The following ETNK1 variants were observed in gnomAD, a reference collection of about 807,000 sequenced individuals.
ETNK1 encodes ethanolamine kinase 1.
A neutral mutation model predicts 45.1 loss-of-function variants in ETNK1; 8 were observed. That is an observed-to-expected ratio of 0.18 (90% CI 0.10 to 0.32). The LOEUF is 0.32. Among genes scored for constraint, ETNK1 ranks in the 10% least tolerant of loss-of-function variants. ETNK1 has a pLI of 1.00. For missense variants in ETNK1, 302 were observed against 430.6 expected, an observed-to-expected ratio of 0.70 and a Z score of 2.64; for synonymous variants, 152 against 151.9, an observed-to-expected ratio of 1.00 and a Z score of -0.01.
chr12:22,627,484 G>T (rs185962287), intron 1 of ETNK1, among the ~76,000 whole-genome samples: 2 of 152,190 alleles, frequency 1.3e-5, no homozygotes, highest in African/African-American at 2.4e-5. Flanking sequence ...TGTCCTAAAA[G>T]CATCTGCTAA....
At chr12:22,656,336 A>G (rs924699106) in intron 2 of ETNK1, 1 of 869,898 alleles carries the variant, frequency 1.1e-6, no homozygotes, top group Admixed American at 6.2e-5. Flanking sequence ...AAACAACTTG[A>G]GGCAGCAAAA....
intron 6 of ETNK1, among the ~76,000 whole-genome samples, chr12:22,674,990 A>G (rs1343740627): frequency 6.6e-6 from 1 of 152,270 alleles, no homozygotes; most frequent in African/African-American, 2.4e-5. Context: ...TTAGAAGGCC[A>G]AATAAGATGT....
intron 4 of ETNK1, among the ~76,000 whole-genome samples, chr12:22,667,384 G>A (rs147065692): frequency 3.7e-4 from 57 of 152,098 alleles, no homozygotes; most frequent in African/African-American, 1.3e-3. Flanking sequence ...TGTGTCCTAG[G>A]GATTGCTCTG....
chr12:22,625,965 T>C (rs1953489012), intron 1 of ETNK1: 1 of 487,646 alleles, frequency 2.1e-6, no homozygotes, highest in Non-Finnish European at 4.0e-6. Flanking sequence ...CTCCCACCAG[T>C]AATGCAGTCA....
chr12:22,672,690 G>C (rs1443652666), intron 5 of ETNK1, among the ~76,000 whole-genome samples: 1 of 152,168 alleles, frequency 6.6e-6, no homozygotes, highest in African/African-American at 2.4e-5. Flanking sequence ...GCAAACTAAA[G>C]AGAAGGAAAG....
intron 6 of ETNK1, among the ~76,000 whole-genome samples, chr12:22,675,821 A>G (rs922596904): frequency 6.6e-6 from 1 of 152,182 alleles, no homozygotes; most frequent in African/African-American, 2.4e-5. Context: ...ATAAAGGACA[A>G]TTGATAGACA....
chr12:22,665,297 T>C (rs1954043555), intron 4 of ETNK1, among the ~76,000 whole-genome samples: 1 of 152,166 alleles, frequency 6.6e-6, no homozygotes, highest in Non-Finnish European at 1.5e-5. Flanking sequence ...CCATGACCAA[T>C]TACAAAATAA....
In ETNK1 at chr12:22,688,440, A is replaced by G. The variant is rs578109238; in HGVS notation, c.*3486A>G. 15 of 151,932 alleles carry G rather than the reference A, an allele frequency of 9.9e-5. No individual in the cohort carries two copies. In the South Asian group the frequency reaches 3.1e-3, roughly 32 times the overall value. 9.4% of individuals were successfully genotyped at this position (151,932 alleles called of 1,614,324 possible). On this transcript the variant is annotated 3_prime_UTR_variant, in exon 8 of 8. Coordinates refer to ENST00000266517, the MANE Select transcript of ETNK1 (RefSeq NM_018638.5). ...CCCCCACTCTCAATTAAAAGTTAGA[A>G]CCCTCCACTTTTAAAATTATACAAA... is the stretch of plus-strand genomic sequence containing the variant.
rs1028003236 is a variant in ETNK1, at chr12:22,689,854, G to C, written c.*4900G>C. ...CTGAAGTAGTTTCCTATATTTATCT[G>C]TACTAAATTGACTATAAATTGAGTC... On this transcript the variant is annotated 3_prime_UTR_variant, in exon 8 of 8. Transcript: ENST00000266517. The C allele has an allele frequency of 3.9e-5, 6 of 151,934 alleles. No homozygotes were observed. The highest frequency in any genetic ancestry group is 8.8e-5 in the Non-Finnish European group (6 of 67,864). 9.4% of individuals were successfully genotyped at this position (151,934 alleles called of 1,614,324 possible).
intron 5 of ETNK1, 59 bp downstream of exon 5, chr12:22,671,414 C>A: frequency 8.8e-7 from 1 of 1,136,596 alleles, no homozygotes; most frequent in Non-Finnish European, 1.3e-6. Context: ...ATATTTCATT[C>A]TTTTTTTAAA....
intron 4 of ETNK1, among the ~76,000 whole-genome samples, chr12:22,666,764 G>C (rs1052785370): frequency 6.6e-6 from 1 of 152,134 alleles, no homozygotes; most frequent in Non-Finnish European, 1.5e-5. Flanking sequence ...GGGAATTAAA[G>C]AGTAAATCAG....
chr12:22,656,371 C>T lies in ETNK1; in HGVS notation c.417-2643C>T, dbSNP rs1007959725. ...AGTATTATAGTTGTCTGACTTTATCCGTGTGATGTGCAGGGCCTCCTTGTC... is the reference window on the plus strand; with the variant it reads ...AGTATTATAGTTGTCTGACTTTATCTGTGTGATGTGCAGGGCCTCCTTGTC... On this transcript the variant is annotated intron_variant, in intron 2 of 7. Transcript: ENST00000266517. 7.1e-6 allele frequency: 7 copies of T among 979,938 alleles called. No homozygotes were observed. In the Admixed American group the frequency reaches 1.8e-4, roughly 26 times the overall value. The allele number at this position is 979,938 out of a possible 1,614,324, so 60.7% of individuals were successfully genotyped here.
intron 4 of ETNK1, among the ~76,000 whole-genome samples, chr12:22,661,861 TTC>T (rs1208359115): frequency 6.6e-6 from 1 of 152,138 alleles, no homozygotes; most frequent in Non-Finnish European, 1.5e-5. Context: ...TGTATTCAAT[TTC>T]TGTTTTCATA....
chr12:22,679,301 T>G (rs12306164), intron 6 of ETNK1, among the ~76,000 whole-genome samples: 7,106 of 152,234 alleles, frequency 0.047, 544 homozygotes, highest in African/African-American at 0.16. Flanking sequence ...CTGAAGAACT[T>G]GGATTCTGAA....
chr12:22,666,075 A>ATCACGGGAAGAAATTTTGCC (rs1178431652), intron 4 of ETNK1, among the ~76,000 whole-genome samples: 1 of 152,198 alleles, frequency 6.6e-6, no homozygotes, highest in African/African-American at 2.4e-5. Context: ...ACAGATAGGC[A>ATCACGGGAAGAAATTTTGCC]TCACGGGAAG....
At chr12:22,630,677 C>G (rs1454084682) in intron 1 of ETNK1, among the ~76,000 whole-genome samples, 4 of 152,020 alleles carry the variant, frequency 2.6e-5, no homozygotes, top group Admixed American at 6.6e-5. Context: ...GTGGTGTGAT[C>G]TCAGCTCACT....
chr12:22,625,218 CG>C lies in ETNK1; in HGVS notation c.-210del. The C allele has an allele frequency of 6.2e-7, 1 of 1,610,116 alleles. No homozygotes were observed. The highest frequency in any genetic ancestry group is 1.3e-5 in the African/African-American group (1 of 74,988). On this transcript the variant is annotated 5_prime_UTR_variant, in exon 1 of 8. Transcript: ENST00000266517. ...CGACAACAGGAATTTTCTCCGAGAG[CG>C]GGCCGGGCTCAGTTCAGCTGCTGTC...
rs142528168 is a variant in ETNK1 at position 22,684,951 on chromosome 12, G to T, written c.1089G>T (p.Glu363Asp). 86 of 1,595,314 alleles carry T rather than the reference G, an allele frequency of 5.4e-5. No homozygotes were observed. The South Asian group carries it at 7.3e-4, about 14-fold the overall frequency. The change falls in exon 8 of 8, where the codon GAG becomes GAT. Residue 363 changes from glutamate to aspartate, a missense_variant. Around this residue, in one of 3 missense-constraint regions of ETNK1, gnomAD observed 94 missense variants for 152.9 expected, o/e 0.61. Coordinates refer to ENST00000266517, the MANE Select transcript of ETNK1 (RefSeq NM_018638.5). ...AGGTTACTGCATTAAAAGTGCCTGA[G>T]TAAAGAAGAGATTTAATTATTCTCC... is the stretch of plus-strand genomic sequence containing the variant. Reference protein sequence around the residue: ...KPEVTALKVPE With the variant: ...KPEVTALKVPD
At chr12:22,633,931 T>A (rs1217997665) in intron 1 of ETNK1, among the ~76,000 whole-genome samples, 1 of 152,120 alleles carries the variant, frequency 6.6e-6, no homozygotes, top group African/African-American at 2.4e-5. Context: ...TATTGCTGTC[T>A]CCCCTTCTGT....
Sources: gnomAD v4.1 joint callset for allele counts (sites outside exome capture counted in the v4.1 genomes callset) on GRCh38, gnomAD v4.1.1 for gene constraint, gnomAD v4.1.1 regional missense constraint, MANE v1.5 for transcripts, NCBI Gene and HGNC (gene_info 2026-07-23, HGNC 2026-07-21) for gene names.